The following MYO10 variants were observed in gnomAD, a reference collection of about 807,000 sequenced individuals.
The protein encoded by MYO10 is unconventional myosin-X.
Under a neutral mutation model 257.3 loss-of-function variants are expected in MYO10, and 133 were observed. The ratio of observed to expected loss-of-function variants is 0.52; its 90% confidence interval spans 0.45 to 0.60. The LOEUF (loss-of-function observed/expected upper bound fraction) is 0.60, where lower values mean the gene tolerates loss of function less well. MYO10 is among the 20% of genes least tolerant of loss of function. The pLI, the probability that MYO10 is intolerant of heterozygous loss-of-function variation, is 0.00. For missense variants in MYO10, 2,399 were observed against 2,635.7 expected, an observed-to-expected ratio of 0.91 and a Z score of 1.97; for synonymous variants, 1,104 against 1,028.6, an observed-to-expected ratio of 1.07 and a Z score of -1.40.
intron 1 of MYO10, among the ~76,000 whole-genome samples, chr5:16,924,061 G>T (rs1156393907): frequency 6.6e-6 from 1 of 152,182 alleles, no homozygotes; most frequent in Non-Finnish European, 1.5e-5. Flanking sequence ...CTGCACTCCA[G>T]CCTAAATGAC....
chr5:16,855,093 A>C (rs75896684), intron 2 of MYO10, among the ~76,000 whole-genome samples: 2,629 of 152,246 alleles, frequency 0.017, 33 homozygotes, highest in South Asian at 0.037. Context: ...AGCTAATGCA[A>C]GTTGTTAACG....
chr5:16,710,227 A>G (rs1738535170), intron 21 of MYO10, among the ~76,000 whole-genome samples: 1 of 152,150 alleles, frequency 6.6e-6, no homozygotes. Context: ...CCCATGTGAC[A>G]AGTCATTGAA....
At chr5:16,792,146 G>C (rs1290470676) in intron 4 of MYO10, among the ~76,000 whole-genome samples, 4 of 148,352 alleles carry the variant, frequency 2.7e-5, no homozygotes, top group African/African-American at 5.1e-5. Context: ...GAGAGAGAGA[G>C]AGAGAGAGAG....
At chr5:16,678,036 C>T (rs1380045921) in intron 33 of MYO10, among the ~76,000 whole-genome samples, 1 of 152,138 alleles carries the variant, frequency 6.6e-6, no homozygotes, top group African/African-American at 2.4e-5. Flanking sequence ...GCTCAGATTA[C>T]AGGCATGAGC....
At chr5:16,922,537 G>A (rs1427123601) in intron 1 of MYO10, among the ~76,000 whole-genome samples, 1 of 152,182 alleles carries the variant, frequency 6.6e-6, no homozygotes, top group Non-Finnish European at 1.5e-5. Context: ...AGGAGTGTGT[G>A]ACCCATTCAG....
At chr5:16,855,185 A>G (rs1006675547) in intron 2 of MYO10, among the ~76,000 whole-genome samples, 1 of 152,164 alleles carries the variant, frequency 6.6e-6, no homozygotes, top group Non-Finnish European at 1.5e-5. Flanking sequence ...CTATTTTAAA[A>G]TCTCCATCAA....
At chr5:16,725,773 G>A (rs1157095386) in intron 19 of MYO10, among the ~76,000 whole-genome samples, 2 of 146,352 alleles carry the variant, frequency 1.4e-5, no homozygotes, top group South Asian at 4.3e-4. Flanking sequence ...GGCCAGAGAA[G>A]CAACAGGTAC....
At chr5:16,758,248 G>C in intron 17 of MYO10, 22 bp from the exon 18 acceptor site, 1 of 1,498,468 alleles carries the variant, frequency 6.7e-7, no homozygotes, top group Non-Finnish European at 9.3e-7. Flanking sequence ...AAGAGCAGGA[G>C]GTCAGTGAGG....
At chr5:16,709,749 T>A (rs530141697) in intron 21 of MYO10, among the ~76,000 whole-genome samples, 2 of 152,320 alleles carry the variant, frequency 1.3e-5, no homozygotes, top group Middle Eastern at 3.4e-3. Context: ...AGATAATCAA[T>A]GTGTGTTGTT....
At chr5:16,825,838 G>A (rs148458833) in intron 2 of MYO10, among the ~76,000 whole-genome samples, 23 of 152,242 alleles carry the variant, frequency 1.5e-4, no homozygotes, top group African/African-American at 5.3e-4. Context: ...AAGACAGCGA[G>A]ACCCTGTCTC....
At chr5:16,813,513 T>A (rs77753502) in intron 3 of MYO10, among the ~76,000 whole-genome samples, 2,292 of 150,076 alleles carry the variant, frequency 0.015, 52 homozygotes, top group African/African-American at 0.053. Context: ...ATCATGTCAC[T>A]GCATTCCAGC....
intron 19 of MYO10, among the ~76,000 whole-genome samples, chr5:16,743,892 A>AAATGTACC (rs1245370722): frequency 6.6e-6 from 1 of 152,226 alleles, no homozygotes; most frequent in Admixed American, 6.5e-5. Context: ...TTATTATAAC[A>AAATGTACC]AATGTACCAC....
chr5:16,827,478 G>A (rs901927636), intron 2 of MYO10, among the ~76,000 whole-genome samples: 8 of 152,048 alleles, frequency 5.3e-5, no homozygotes, highest in Non-Finnish European at 7.3e-5. Context: ...GTAGAGATGC[G>A]GTTTCACCAT....
intron 19 of MYO10, among the ~76,000 whole-genome samples, chr5:16,711,798 G>A (rs985419312): frequency 1.5e-4 from 23 of 151,250 alleles, no homozygotes; most frequent in African/African-American, 5.3e-4. Flanking sequence ...AAAAAAAAAA[G>A]GAAAATCCCA....
At chr5:16,923,210 A>C (rs2126802379) in intron 1 of MYO10, among the ~76,000 whole-genome samples, 1 of 152,146 alleles carries the variant, frequency 6.6e-6, no homozygotes, top group South Asian at 2.1e-4. Context: ...ACAGAAGTAA[A>C]CCTGTATTAA....
chr5:16,738,604 A>C lies in MYO10; in HGVS notation c.1929+16224T>G, dbSNP rs530760169. On this transcript the variant is annotated intron_variant, in intron 19 of 40. Coordinates refer to ENST00000513610, the MANE Select transcript of MYO10 (RefSeq NM_012334.3). ...AAAGTTAAAAAAACAACAACAACAAAAAAAGAGGCCGAGCATGGTGACTCA... is the reference window on the plus strand; with the variant it reads ...AAAGTTAAAAAAACAACAACAACAACAAAAGAGGCCGAGCATGGTGACTCA... 5.3e-5 allele frequency among the ~76,000 whole-genome samples: 8 copies of C among 152,132 alleles called. No individual in the cohort carries two copies. In the East Asian group the frequency reaches 1.4e-3, roughly 26 times the overall value.
chr5:16,690,437 C>G (rs1452111810), intron 27 of MYO10, among the ~76,000 whole-genome samples: 2 of 152,160 alleles, frequency 1.3e-5, no homozygotes, highest in Non-Finnish European at 2.9e-5. Flanking sequence ...GGGAGCCAGT[C>G]TCATCTCTGC....
intron 3 of MYO10, among the ~76,000 whole-genome samples, chr5:16,816,844 G>A (rs534372496): frequency 7.3e-6 from 1 of 136,430 alleles, no homozygotes; most frequent in African/African-American, 2.8e-5. Context: ...TTCTGAGACA[G>A]AGTTTCGCTC....
intron 9 of MYO10, among the ~76,000 whole-genome samples, chr5:16,777,839 CTTTTTT>C (rs61326508): frequency 7.3e-4 from 65 of 88,472 alleles, no homozygotes; most frequent in Middle Eastern, 0.013. Flanking sequence ...TTGCATCTAA[CTTTTTT>C]TTTTTTTTTT....
Sources: gnomAD v4.1 joint callset for allele counts (sites outside exome capture counted in the v4.1 genomes callset) on GRCh38, gnomAD v4.1.1 for gene constraint, MANE v1.5 for transcripts, NCBI Gene and HGNC (gene_info 2026-07-23, HGNC 2026-07-21) for gene names.